GPC5: variants seen among roughly 807,000 people sequenced by gnomAD.
GPC5 encodes glypican-5.
GPC5 carries 47 observed loss-of-function variants against 53.9 expected under a neutral mutation model. That is an observed-to-expected ratio of 0.87 (90% CI 0.69 to 1.11). The LOEUF is 1.11. Among genes scored for constraint, GPC5 ranks in the 50% most tolerant of loss-of-function variants. GPC5 has a pLI of 0.00. For synonymous variants in GPC5, 286 were observed against 263.3 expected (o/e 1.09, Z -0.84); for missense variants, 748 against 713.1 (o/e 1.05, Z -0.56).
chr13:91,689,220 T>A (rs1466775036), intron 2 of GPC5, among the ~76,000 whole-genome samples: 1 of 117,124 alleles, frequency 8.5e-6, no homozygotes, highest in Non-Finnish European at 1.7e-5. Context: ...TATATATATA[T>A]ATATATATAT....
chr13:91,428,948 C>A (rs1411581582), intron 1 of GPC5, among the ~76,000 whole-genome samples: 1 of 152,080 alleles, frequency 6.6e-6, no homozygotes, highest in Admixed American at 6.6e-5. Flanking sequence ...GAGAGAGAGT[C>A]TCACTCTGTT....
At chr13:92,505,438 A>G (rs1409169999) in intron 7 of GPC5, among the ~76,000 whole-genome samples, 1 of 152,032 alleles carries the variant, frequency 6.6e-6, no homozygotes, top group African/African-American at 2.4e-5. Flanking sequence ...AATAACTCCC[A>G]CTAAAAAAAA....
At chr13:91,933,706 C>G (rs1156609468) in intron 6 of GPC5, among the ~76,000 whole-genome samples, 2 of 151,798 alleles carry the variant, frequency 1.3e-5, no homozygotes, top group Non-Finnish European at 2.9e-5. Flanking sequence ...ATTTTGTTTT[C>G]ATTTCATTTG....
intron 6 of GPC5, among the ~76,000 whole-genome samples, chr13:92,007,415 A>G (rs2040617055): frequency 6.6e-6 from 1 of 152,136 alleles, no homozygotes; most frequent in Non-Finnish European, 1.5e-5. Context: ...TTAGGTTCAT[A>G]CACGTTTAGG....
intron 6 of GPC5, among the ~76,000 whole-genome samples, chr13:92,140,746 T>C (rs1247638585): frequency 1.3e-5 from 2 of 152,206 alleles, no homozygotes; most frequent in Non-Finnish European, 2.9e-5. Flanking sequence ...GAGAGACTAA[T>C]GGCCCCTGTA....
intron 7 of GPC5, among the ~76,000 whole-genome samples, chr13:92,167,524 A>G (rs560021098): frequency 6.6e-6 from 1 of 152,358 alleles, no homozygotes; most frequent in Non-Finnish European, 1.5e-5. Flanking sequence ...ATGAAGAGAT[A>G]TTATACAAAT....
chr13:92,809,431 T>G (rs1442268917), intron 7 of GPC5, among the ~76,000 whole-genome samples: 1 of 152,082 alleles, frequency 6.6e-6, no homozygotes, highest in East Asian at 1.9e-4. Context: ...AGAGGGTGGA[T>G]TTCGTTACAG....
intron 2 of GPC5, among the ~76,000 whole-genome samples, chr13:91,582,428 A>G (rs1464101158): frequency 6.6e-6 from 1 of 152,312 alleles, no homozygotes; most frequent in Non-Finnish European, 1.5e-5. Flanking sequence ...AACAGCAGCA[A>G]CAACAACAAC....
At chr13:92,523,524 T>G (rs1881150536) in intron 7 of GPC5, among the ~76,000 whole-genome samples, 1 of 152,140 alleles carries the variant, frequency 6.6e-6, no homozygotes. Flanking sequence ...ACAGTTTTTC[T>G]GATCTCCATC....
chr13:92,221,213 T>G (rs1484554767), intron 7 of GPC5, among the ~76,000 whole-genome samples: 2 of 152,188 alleles, frequency 1.3e-5, no homozygotes, highest in African/African-American at 4.8e-5. Flanking sequence ...ATTTTGTGAC[T>G]ATCCAAGGGT....
At chr13:91,487,972 G>C (rs1358615246) in intron 2 of GPC5, among the ~76,000 whole-genome samples, 1 of 151,068 alleles carries the variant, frequency 6.6e-6, no homozygotes, top group Non-Finnish European at 1.5e-5. Context: ...TGACTAAGGA[G>C]ATAGATGTAT....
intron 7 of GPC5, among the ~76,000 whole-genome samples, chr13:92,218,022 CCAGCGGTCCTCCTGCCT>C: frequency 6.8e-6 from 1 of 147,518 alleles, no homozygotes; most frequent in Non-Finnish European, 1.5e-5. Context: ...TTCTTGGGCT[CCAGCGGTCCTCCTGCCT>C]CAGCCTCCTG....
At chr13:91,969,616 A>G (rs1367952140) in intron 6 of GPC5, among the ~76,000 whole-genome samples, 1 of 152,230 alleles carries the variant, frequency 6.6e-6, no homozygotes, top group Non-Finnish European at 1.5e-5. Context: ...TTTGCAAACC[A>G]TATATCTAGG....
At chr13:92,234,017 C>G (rs1292641066) in intron 7 of GPC5, among the ~76,000 whole-genome samples, 1 of 152,152 alleles carries the variant, frequency 6.6e-6, no homozygotes, top group Non-Finnish European at 1.5e-5. Flanking sequence ...CATAGTATTC[C>G]ATGGTGTATA....
At chr13:91,967,111 G>A (rs1370381673) in intron 6 of GPC5, among the ~76,000 whole-genome samples, 1 of 152,140 alleles carries the variant, frequency 6.6e-6, no homozygotes, top group Non-Finnish European at 1.5e-5. Context: ...CATGGCAGAA[G>A]GTGAAAGCCG....
At chr13:92,354,286 T>A (rs894958235) in intron 7 of GPC5, among the ~76,000 whole-genome samples, 1 of 152,232 alleles carries the variant, frequency 6.6e-6, no homozygotes, top group Non-Finnish European at 1.5e-5. Context: ...TTATAATTGC[T>A]ACTTCCTATT....
chr13:91,667,534 T>C (rs1370898628), intron 2 of GPC5, among the ~76,000 whole-genome samples: 1 of 152,150 alleles, frequency 6.6e-6, no homozygotes, highest in Non-Finnish European at 1.5e-5. Context: ...AGATGCAACT[T>C]GAAACTCCAG....
rs535906355 is a variant in GPC5 at position 91,795,049 on chromosome 13, CTCTT to C, written c.1280+38631_1280+38634del. On this transcript the variant is annotated intron_variant, in intron 5 of 7. Transcript: ENST00000377067. Reference sequence around the variant, plus strand: ...ATTTGACAAGATCAAAAGTCACTGTCTCTTTATGGATGAACCACAGATGTCTGCT... The same window carrying C: ...ATTTGACAAGATCAAAAGTCACTGTCTATGGATGAACCACAGATGTCTGCT... Among the ~76,000 whole-genome samples, 785 of 152,182 alleles carry C rather than the reference CTCTT, an allele frequency of 5.2e-3. 11 individuals are homozygous for C. Among genetic ancestry groups the C allele is most frequent in the African/African-American group, 0.017 (702 of 41,532 alleles).
chr13:91,917,116 G>A (rs1485226139), intron 6 of GPC5, among the ~76,000 whole-genome samples: 3 of 152,100 alleles, frequency 2.0e-5, no homozygotes, highest in Non-Finnish European at 4.4e-5. Flanking sequence ...CCACGTATGA[G>A]CCTGTAAAAT....
Sources: allele counts gnomAD v4.1 joint callset (sites outside exome capture counted in the v4.1 genomes callset), GRCh38; gene constraint gnomAD v4.1.1; transcripts MANE v1.5; gene names NCBI Gene and HGNC (gene_info 2026-07-23, HGNC 2026-07-21).